VTCN1: variants seen among roughly 807,000 people sequenced by gnomAD.
The protein encoded by VTCN1 is V-set domain containing T cell activation inhibitor 1, also known as V-set domain-containing T-cell activation inhibitor 1.
Under a neutral mutation model 26.5 loss-of-function variants are expected in VTCN1, and 26 were observed. The ratio of observed to expected loss-of-function variants is 0.98; its 90% confidence interval spans 0.72 to 1.36. The LOEUF (loss-of-function observed/expected upper bound fraction) is 1.36. VTCN1 is among the 40% of genes most tolerant of loss of function. The pLI, the probability that VTCN1 is intolerant of heterozygous loss-of-function variation, is 0.00. For synonymous variants in VTCN1, 116 were observed against 130.7 expected, an observed-to-expected ratio of 0.89 and a Z score of 0.77; for missense variants, 298 against 337.7, an observed-to-expected ratio of 0.88 and a Z score of 0.92.
chr1:117,163,101 G>T (rs558269162), intron 2 of VTCN1, among the ~76,000 whole-genome samples: 1 of 152,232 alleles, frequency 6.6e-6, no homozygotes, highest in Non-Finnish European at 1.5e-5. Context: ...ACCTGTGAGT[G>T]TCACTCTTGC....
Position 117,145,909 on chromosome 1 carries a change from C to T in VTCN1, c.*46-684G>A, listed in dbSNP as rs933596527. Among the ~76,000 whole-genome samples, 1 of 152,164 alleles carries T rather than the reference C, an allele frequency of 6.6e-6. No individual in the cohort carries two copies. The highest frequency in any genetic ancestry group is 1.5e-5 in the Non-Finnish European group (1 of 68,030). ...TTGGCCTCTCAAAGTGCTGGGGTTA[C>T]AGGTGTGAGCCACCATGCCCAGCCT... On this transcript the variant is annotated intron_variant, in intron 5 of 5. Coordinates refer to ENST00000369458, the MANE Select transcript of VTCN1 (RefSeq NM_024626.4). The surrounding 1 kb of genome is among the most constrained non-coding windows in gnomAD (Gnocchi z 4.6).
intron 3 of VTCN1, among the ~76,000 whole-genome samples, chr1:117,154,662 A>T (rs1323472767): frequency 6.6e-6 from 1 of 151,964 alleles, no homozygotes; most frequent in Non-Finnish European, 1.5e-5. Context: ...GCATGCCTGT[A>T]ATCCCAGCTA....
At chr1:117,188,533 G>C (rs532280811) in intron 1 of VTCN1, among the ~76,000 whole-genome samples, 1 of 152,300 alleles carries the variant, frequency 6.6e-6, no homozygotes, top group Admixed American at 6.5e-5. Context: ...TAAAAGGTCA[G>C]ATATAAAAAG....
intron 1 of VTCN1, among the ~76,000 whole-genome samples, chr1:117,189,198 A>G (rs1343390405): frequency 1.3e-5 from 2 of 152,108 alleles, no homozygotes; most frequent in Admixed American, 1.3e-4. Context: ...AATTTCCTCA[A>G]AACTCTCTCT....
intron 1 of VTCN1, among the ~76,000 whole-genome samples, chr1:117,192,324 A>T (rs1451777229): frequency 6.6e-6 from 1 of 152,168 alleles, no homozygotes; most frequent in Non-Finnish European, 1.5e-5. Flanking sequence ...TGAAGGACAG[A>T]TGAAGATATT....
At chr1:117,209,641 G>T (rs1000080068) in intron 1 of VTCN1, among the ~76,000 whole-genome samples, 1 of 152,148 alleles carries the variant, frequency 6.6e-6, no homozygotes, top group Non-Finnish European at 1.5e-5. Context: ...AGGGCAGAAG[G>T]GTCTAGAGGG....
At chr1:117,203,335 C>A (rs1028230208) in intron 1 of VTCN1, among the ~76,000 whole-genome samples, 1 of 152,034 alleles carries the variant, frequency 6.6e-6, no homozygotes, top group South Asian at 2.1e-4. Context: ...TGAGAAAACA[C>A]AATGAGGAGG....
chr1:117,149,165 T>C (rs1651665429), intron 4 of VTCN1, among the ~76,000 whole-genome samples: 1 of 152,124 alleles, frequency 6.6e-6, no homozygotes, highest in Non-Finnish European at 1.5e-5. Context: ...CCCCAAAACC[T>C]ATCACATGCT....
Position 117,210,820 on chromosome 1 carries a change from C to A in VTCN1, c.32+4G>T, listed in dbSNP as rs1411367754. ...ATAAGGATAGAGAGAAGAGTATATACTACCTCCAGAAGAGGATCTGCCCCA... is the reference window on the plus strand; with the variant it reads ...ATAAGGATAGAGAGAAGAGTATATAATACCTCCAGAAGAGGATCTGCCCCA... On this transcript the variant is annotated splice_donor_region_variant and intron_variant, in intron 1 of 5. Coordinates refer to ENST00000369458, the MANE Select transcript of VTCN1 (RefSeq NM_024626.4). 1 of 1,613,946 alleles carries A rather than the reference C, an allele frequency of 6.2e-7. No homozygotes were observed. Among genetic ancestry groups the A allele is most frequent in the Non-Finnish European group, 8.5e-7 (1 of 1,179,918 alleles).
intron 1 of VTCN1, among the ~76,000 whole-genome samples, chr1:117,198,011 C>A (rs914913053): frequency 2.0e-5 from 3 of 152,172 alleles, no homozygotes; most frequent in Non-Finnish European, 4.4e-5. Flanking sequence ...CCTGTAGGTA[C>A]ACTCACTCTG....
intron 1 of VTCN1, among the ~76,000 whole-genome samples, chr1:117,204,605 G>T (rs888968330): frequency 8.5e-5 from 13 of 152,192 alleles, no homozygotes; most frequent in Admixed American, 3.3e-4. Context: ...GGTGGCTCAC[G>T]CCTGTAATCC....
At chr1:117,205,144 T>TATATA (rs1553214068) in intron 1 of VTCN1, among the ~76,000 whole-genome samples, 42 of 134,744 alleles carry the variant, frequency 3.1e-4, no homozygotes, top group African/African-American at 4.4e-4. Context: ...ATATATATTT[T>TATATA]TATATATATA....
intron 1 of VTCN1, chr1:117,173,092 C>G: frequency 5.7e-6 from 4 of 706,974 alleles, no homozygotes; most frequent in Non-Finnish European, 1.1e-5. Flanking sequence ...CAGCTTCATT[C>G]CTGAAGTCAG....
intron 1 of VTCN1, among the ~76,000 whole-genome samples, chr1:117,198,884 G>A (rs752148083): frequency 5.9e-5 from 9 of 152,174 alleles, no homozygotes; most frequent in Non-Finnish European, 1.2e-4. Flanking sequence ...GTGGGGCAAG[G>A]TTAGTCAAGA....
chr1:117,193,376 G>C (rs560511954), intron 1 of VTCN1, among the ~76,000 whole-genome samples: 1 of 152,152 alleles, frequency 6.6e-6, no homozygotes, highest in Admixed American at 6.5e-5. Context: ...TTACCCTTAG[G>C]ACACAGAATG....
rs1366876047 is a variant in VTCN1 at position 117,167,784 on chromosome 1, A to G, written c.97+2323T>C. ...TAGAAAAAGAATTGAAAGATGGCCAAGTAAAGCAGGAAGAGGAATATTAAT... is the reference window on the plus strand; with the variant it reads ...TAGAAAAAGAATTGAAAGATGGCCAGGTAAAGCAGGAAGAGGAATATTAAT... On this transcript the variant is annotated intron_variant, in intron 2 of 5. Transcript: ENST00000369458. The surrounding 1 kb of genome is among the most constrained non-coding windows in gnomAD (Gnocchi z 4.1). Among the ~76,000 whole-genome samples the G allele has an allele frequency of 6.6e-6, 1 of 152,246 alleles. No individual in the cohort carries two copies. The highest frequency in any genetic ancestry group is 2.4e-5 in the African/African-American group (1 of 41,474).
intron 1 of VTCN1, chr1:117,203,535 A>G (rs1297682663): frequency 1.1e-6 from 1 of 883,450 alleles, no homozygotes; most frequent in East Asian, 1.2e-4. Flanking sequence ...AAGTGATGTG[A>G]TAGGAAATCA....
intron 1 of VTCN1, among the ~76,000 whole-genome samples, chr1:117,210,084 C>A (rs992588869): frequency 6.6e-6 from 1 of 152,220 alleles, no homozygotes; most frequent in African/African-American, 2.4e-5. Flanking sequence ...AAACCCTGCA[C>A]TTTCCATCTC....
intron 1 of VTCN1, among the ~76,000 whole-genome samples, chr1:117,201,978 C>T (rs1648812306): frequency 6.6e-6 from 1 of 152,200 alleles, no homozygotes; most frequent in Admixed American, 6.5e-5. Context: ...TCAGGGCTTT[C>T]CACCAGGACC....
Sources: gnomAD v4.1 joint callset for allele counts (sites outside exome capture counted in the v4.1 genomes callset) on GRCh38, gnomAD v4.1.1 for gene constraint, Gnocchi (gnomAD v3.1) non-coding constraint, MANE v1.5 for transcripts, NCBI Gene and HGNC (gene_info 2026-07-23, HGNC 2026-07-21) for gene names.